WNT3: variants seen among roughly 807,000 people sequenced by gnomAD.
The protein encoded by WNT3 is proto-oncogene Wnt-3.
Under a neutral mutation model 34.2 loss-of-function variants are expected in WNT3, and 7 were observed. The ratio of observed to expected loss-of-function variants is 0.20; its 90% CI spans 0.12 to 0.38. WNT3 has a LOEUF of 0.38. Ranked by LOEUF, WNT3 falls within the 10% of genes least tolerant of loss-of-function variation. The pLI, the probability that WNT3 is intolerant of heterozygous loss-of-function variation, is 1.00. For synonymous variants in WNT3, 212 were observed against 211.5 expected (o/e 1.00, Z -0.02); for missense variants, 267 against 499.8 (o/e 0.53, Z 4.44).
intron 1 of WNT3, among the ~76,000 whole-genome samples, chr17:46,817,354 A>G (rs960015568): frequency 2.6e-5 from 4 of 151,996 alleles, no homozygotes; most frequent in Non-Finnish European, 5.9e-5. Flanking sequence ...ACAGATCCCA[A>G]ATTCTTCCTC....
At chr17:46,783,609 C>A (rs1476906843) in intron 1 of WNT3, among the ~76,000 whole-genome samples, 1 of 152,178 alleles carries the variant, frequency 6.6e-6, no homozygotes, top group African/African-American at 2.4e-5. Context: ...AACTTTCAGC[C>A]CCAGTAACCT....
intron 2 of WNT3, among the ~76,000 whole-genome samples, chr17:46,771,119 C>G (rs2059364074): frequency 6.6e-6 from 1 of 152,238 alleles, no homozygotes; most frequent in African/African-American, 2.4e-5. Context: ...TTGGCTCCCG[C>G]GGCCGCTCTC....
intron 1 of WNT3, among the ~76,000 whole-genome samples, chr17:46,787,775 G>GA (rs1454199425): frequency 6.6e-6 from 1 of 152,202 alleles, no homozygotes; most frequent in African/African-American, 2.4e-5. Context: ...CCAACATGGC[G>GA]AAACGCCTGT....
chr17:46,804,426 A>G (rs528287090), intron 1 of WNT3, among the ~76,000 whole-genome samples: 5 of 152,156 alleles, frequency 3.3e-5, no homozygotes, highest in Non-Finnish European at 7.4e-5. Context: ...GTTTTCCGTC[A>G]TAAGCCTCTT....
At chr17:46,782,400 A>G (rs2059469164) in intron 1 of WNT3, among the ~76,000 whole-genome samples, 1 of 152,178 alleles carries the variant, frequency 6.6e-6, no homozygotes, top group Non-Finnish European at 1.5e-5. Context: ...ACAACAGGCC[A>G]GGGCCAGGTG....
intron 1 of WNT3, among the ~76,000 whole-genome samples, chr17:46,790,529 G>A (rs955559336): frequency 2.0e-5 from 3 of 152,002 alleles, no homozygotes; most frequent in Admixed American, 6.6e-5. Flanking sequence ...CCCACCCTGG[G>A]TCCACAGCTG....
chr17:46,813,771 A>G (rs1466980023), intron 1 of WNT3, among the ~76,000 whole-genome samples: 1 of 152,004 alleles, frequency 6.6e-6, no homozygotes, highest in Non-Finnish European at 1.5e-5. Flanking sequence ...GACCAAGGAG[A>G]GACTTCTTCC....
chr17:46,807,780 G>T (rs985923748), intron 1 of WNT3, among the ~76,000 whole-genome samples: 1 of 152,166 alleles, frequency 6.6e-6, no homozygotes, highest in Non-Finnish European at 1.5e-5. Context: ...AAATAAAAAC[G>T]GAAGAGCAGG....
At chr17:46,781,301 C>G (rs2059458876) in intron 1 of WNT3, among the ~76,000 whole-genome samples, 1 of 150,770 alleles carries the variant, frequency 6.6e-6, no homozygotes, top group African/African-American at 2.4e-5. Flanking sequence ...AACTTGAAAA[C>G]AAGCTAAGCG....
At chr17:46,802,096 C>T (rs139416189) in intron 1 of WNT3, among the ~76,000 whole-genome samples, 1 of 152,146 alleles carries the variant, frequency 6.6e-6, no homozygotes, top group Non-Finnish European at 1.5e-5. Flanking sequence ...TATATTTGGT[C>T]TTCGACCTAG....
intron 1 of WNT3, among the ~76,000 whole-genome samples, chr17:46,778,453 C>A (rs1162318757): frequency 2.0e-5 from 3 of 152,186 alleles, no homozygotes; most frequent in Non-Finnish European, 4.4e-5. Context: ...GGGCCAGTGT[C>A]GGAGACTAAA....
chr17:46,817,811 A>C (rs534201557), intron 1 of WNT3, among the ~76,000 whole-genome samples: 64 of 152,172 alleles, frequency 4.2e-4, no homozygotes, highest in African/African-American at 1.5e-3. Flanking sequence ...CAACAAGCCT[A>C]CCCCTCCCAG....
At chr17:46,788,566 A>G (rs1568085015) in intron 1 of WNT3, among the ~76,000 whole-genome samples, 1 of 152,150 alleles carries the variant, frequency 6.6e-6, no homozygotes, top group Non-Finnish European at 1.5e-5. Context: ...TCCAATTCAA[A>G]TTGTTCCCTC....
intron 1 of WNT3, among the ~76,000 whole-genome samples, chr17:46,797,028 G>A (rs776946215): frequency 6.6e-6 from 1 of 152,102 alleles, no homozygotes; most frequent in Admixed American, 6.5e-5. Context: ...TGGGAAAAGG[G>A]CTCCAAGGTT....
At chr17:46,798,010 C>T (rs927969831) in intron 1 of WNT3, among the ~76,000 whole-genome samples, 16 of 152,296 alleles carry the variant, frequency 1.1e-4, no homozygotes, top group East Asian at 5.8e-4. Context: ...CTCTCTGCAA[C>T]GTCTGCCTCC....
chr17:46,772,284 G>T (rs1598758231), intron 2 of WNT3, among the ~76,000 whole-genome samples: 1 of 152,228 alleles, frequency 6.6e-6, no homozygotes, highest in African/African-American at 2.4e-5. Flanking sequence ...CCTGTCCTCG[G>T]GCCATCTAGG....
At chr17:46,803,584 C>G (rs1370861356) in intron 1 of WNT3, among the ~76,000 whole-genome samples, 3 of 152,200 alleles carry the variant, frequency 2.0e-5, no homozygotes, top group Non-Finnish European at 2.9e-5. Flanking sequence ...TGGCAAAAAC[C>G]TTACTTGCCA....
At chr17:46,792,386 A>G (rs1315606301) in intron 1 of WNT3, among the ~76,000 whole-genome samples, 1 of 152,212 alleles carries the variant, frequency 6.6e-6, no homozygotes, top group East Asian at 1.9e-4. Context: ...GAGAGTGGCT[A>G]ATAAGGTAGT....
chr17:46,811,348 G>A (rs1254348416), intron 1 of WNT3, among the ~76,000 whole-genome samples: 2 of 152,176 alleles, frequency 1.3e-5, no homozygotes, highest in African/African-American at 2.4e-5. Flanking sequence ...CCTGTCAATG[G>A]CGCGGAAGTG....
Sources: gnomAD v4.1 joint callset for allele counts (sites outside exome capture counted in the v4.1 genomes callset) on GRCh38, gnomAD v4.1.1 for gene constraint, MANE v1.5 for transcripts, NCBI Gene and HGNC (gene_info 2026-07-23, HGNC 2026-07-21) for gene names.